VPS18: variants seen among roughly 807,000 people sequenced by gnomAD.
VPS18 encodes the protein vacuolar protein sorting-associated protein 18 homolog.
Under a neutral mutation model 82.0 loss-of-function variants are expected in VPS18, and 25 were observed. The ratio of observed to expected loss-of-function variants is 0.30; its 90% CI spans 0.22 to 0.43. The LOEUF is 0.43. VPS18 is among the 20% of genes least tolerant of loss of function. The probability of loss-of-function intolerance (pLI) is 1.00; values close to 1 mark genes in which losing one functional copy is unlikely to be tolerated. For synonymous variants in VPS18, 523 were observed against 543.0 expected, an observed-to-expected ratio of 0.96 and a Z score of 0.51; for missense variants, 1,168 against 1,311.1, an observed-to-expected ratio of 0.89 and a Z score of 1.69.
Position 40,903,364 on chromosome 15 carries a change from G to A in VPS18, c.*23G>A, listed in dbSNP as rs755299054. On this transcript the variant is annotated 3_prime_UTR_variant, in exon 5 of 5. Transcript: ENST00000220509. ...TAGGAGGGTGTCACCTTTGATGGGG[G>A]GTGGGCAATGGGGAGCAGTGGCTTG... 6.8e-5 allele frequency: 103 copies of A among 1,517,840 alleles called. No homozygotes were observed. Among genetic ancestry groups the A allele is most frequent in the African/African-American group, 1.5e-4 (11 of 71,754 alleles). The allele number at this position is 1,517,840 out of a possible 1,614,324, so 94.0% of individuals were successfully genotyped here.
intron 1 of VPS18, among the ~76,000 whole-genome samples, chr15:40,895,391 C>G (rs527405849): frequency 1.3e-5 from 2 of 152,056 alleles, no homozygotes; most frequent in Non-Finnish European, 2.9e-5. Context: ...TAGTGAGTCT[C>G]CAGGAGAATG....
At chr15:40,898,647 A>G in intron 2 of VPS18, 1 of 491,052 alleles carries the variant, frequency 2.0e-6, no homozygotes, top group South Asian at 2.0e-5. Context: ...ATTTTCTTGT[A>G]TTTTTTGTAG....
At position 40,898,944 on chromosome 15, in the gene VPS18, G is replaced by A; in HGVS notation, c.271G>A (p.Glu91Lys). The stretch of plus-strand genomic sequence containing the variant: ...CAAGGCAAATGAGCCCAACCACGTG[G>A]AGCTGGGACGTAAGGATGACGCAAA... ...LGKANEPNHV[E>K]LGRKDDAKVH... Residue 91 changes from glutamate to lysine, a missense_variant, in exon 3 of 5, where the codon GAG becomes AAG. Glu to Lys is a moderately conservative substitution (Grantham distance 56). Coordinates refer to ENST00000220509, the MANE Select transcript of VPS18 (RefSeq NM_020857.3). 1.2e-6 allele frequency: 2 copies of A among 1,614,138 alleles called. No individual in the cohort carries two copies. Among genetic ancestry groups the A allele is most frequent in the African/African-American group, 1.3e-5 (1 of 75,032 alleles).
Position 40,902,673 on chromosome 15 carries a change from C to T in VPS18, c.2254C>T (p.Arg752Cys), listed in dbSNP as rs1310656695. 6 of 1,614,188 alleles carry T rather than the reference C, an allele frequency of 3.7e-6. No homozygotes were observed. The highest frequency in any genetic ancestry group is 1.1e-5 in the South Asian group (1 of 91,082). ...ADLPEEDEEL[R>C]KKLWLKIARH... is the part of the protein sequence containing the mutation. Reference sequence around the variant, plus strand: ...CCTGCCTGAGGAGGATGAGGAATTGCGCAAGAAGCTGTGGCTGAAGATCGC... The same window carrying T: ...CCTGCCTGAGGAGGATGAGGAATTGTGCAAGAAGCTGTGGCTGAAGATCGC... The change falls in exon 5 of 5, where the codon CGC becomes TGC. Residue 752 changes from arginine to cysteine, a missense_variant. By Grantham distance (180) the Arg-to-Cys change is radical. Transcript: ENST00000220509. This position sits in a 1 kb window ranked among gnomAD's most constrained non-coding sequence, Gnocchi z 4.2.
rs373608134 is a variant in VPS18 at position 40,900,515 on chromosome 15, A to G, written c.1697A>G (p.Tyr566Cys). The change falls in exon 4 of 5, where the codon TAT becomes TGT. Residue 566 changes from tyrosine to cysteine, a missense_variant. Tyr to Cys is a radical substitution (Grantham distance 194). This residue lies in a region of VPS18 where 868 missense variants were observed against 939.8 expected (regional missense o/e 0.92). Coordinates refer to ENST00000220509, the MANE Select transcript of VPS18 (RefSeq NM_020857.3). This position sits in a 1 kb window ranked among gnomAD's most constrained non-coding sequence, Gnocchi z 5.4. ...MVYFAVIMQD[Y>C]ERVVAYHCQH... ...TACTTTGCAGTGATCATGCAGGACT[A>G]TGAGCGGGTGGTGGCTTACCACTGT... is the stretch of plus-strand genomic sequence containing the variant. The G allele has an allele frequency of 9.5e-5, 154 of 1,614,026 alleles. No homozygotes were observed. Among genetic ancestry groups the G allele is most frequent in the Admixed American group, 2.0e-4 (12 of 60,006 alleles).
At chr15:40,894,987 T>C (rs1892204256) in intron 1 of VPS18, 128 bp downstream of exon 1, 2 of 915,036 alleles carry the variant, frequency 2.2e-6, no homozygotes, top group Non-Finnish European at 3.1e-6. Context: ...AGGCCCCTGA[T>C]TCTCCTCAGG....
At chr15:40,895,887 C>T in intron 1 of VPS18, 51 bp from the exon 2 acceptor site, 1 of 1,610,424 alleles carries the variant, frequency 6.2e-7, no homozygotes. Context: ...CTCTCCTTGC[C>T]CTTCACCTGT....
At chr15:40,895,550 A>AG (rs1227263010) in intron 1 of VPS18, among the ~76,000 whole-genome samples, 1 of 152,006 alleles carries the variant, frequency 6.6e-6, no homozygotes, top group Admixed American at 6.6e-5. Context: ...ATGGGCAGGG[A>AG]GGGGGGCAGA....
rs761643388 is a variant in VPS18, at chr15:40,894,900, T to C, written c.91+41T>C. On this transcript the variant is annotated intron_variant, in intron 1 of 4. Transcript: ENST00000220509. ...GTGCCGCTGCCCCTTTCGGCTCTCC[T>C]AGCATTTGCGTGGGAGCAGCGAGGA... The C allele has an allele frequency of 9.8e-6, 15 of 1,526,452 alleles. No homozygotes were observed. The Admixed American group carries it at 3.0e-4, about 31-fold the overall frequency. The allele number at this position is 1,526,452 out of a possible 1,614,324, so 94.6% of individuals were successfully genotyped here. A position where few individuals can be genotyped will look rare whatever the true frequency, so the allele number is the denominator to read the frequency against.
chr15:40,900,488 T>G lies in VPS18; in HGVS notation c.1670T>G (p.Val557Gly), dbSNP rs201884171. 1.2e-6 allele frequency: 2 copies of G among 1,614,060 alleles called. No homozygotes were observed. The highest frequency in any genetic ancestry group is 2.2e-5 in the South Asian group (2 of 91,072). ...LASHGDTEHM[V>G]YFAVIMQDYE... ...AGTCATGGGGACACAGAACACATGG[T>G]GTACTTTGCAGTGATCATGCAGGAC... The change falls in exon 4 of 5, where the codon GTG becomes GGG. Residue 557 changes from valine to glycine, a missense_variant. Physicochemically the swap from Val to Gly is moderately radical, Grantham distance 109 (BLOSUM62 -3). Coordinates refer to ENST00000220509, the MANE Select transcript of VPS18 (RefSeq NM_020857.3). This position sits in a 1 kb window ranked among gnomAD's most constrained non-coding sequence, Gnocchi z 5.4.
Position 40,903,632 on chromosome 15 carries a change from T to A in VPS18, c.*291T>A, listed in dbSNP as rs1892404381. Reference sequence around the variant, plus strand: ...CTGACCCAATTCCACCCCCTGCCTCTAGCACCTCTTCTGTCCCTGTCATTC... The same window carrying A: ...CTGACCCAATTCCACCCCCTGCCTCAAGCACCTCTTCTGTCCCTGTCATTC... On this transcript the variant is annotated 3_prime_UTR_variant, in exon 5 of 5. Transcript: ENST00000220509. The A allele has an allele frequency of 3.2e-6, 1 of 316,088 alleles. No individual in the cohort carries two copies. Among genetic ancestry groups the A allele is most frequent in the Non-Finnish European group, 5.8e-6 (1 of 171,340 alleles). 19.6% of individuals were successfully genotyped at this position (316,088 alleles called of 1,614,324 possible). A position where few individuals can be genotyped will look rare whatever the true frequency, so the allele number is the denominator to read the frequency against.
At chr15:40,901,146 G>T in intron 4 of VPS18, 132 bp downstream of exon 4, 1 of 949,254 alleles carries the variant, frequency 1.1e-6, no homozygotes, top group Non-Finnish European at 1.5e-6. Flanking sequence ...TAAGAGCATG[G>T]ACTGTTAAGT....
chr15:40,898,851 T>C lies in VPS18; in HGVS notation c.234-56T>C, dbSNP rs754245376. ...TTTATCAGATTATTAAAGAAGATCA[T>C]GATCCAAAAAAGGATCTTCCCTTCT... On this transcript the variant is annotated intron_variant, in intron 2 of 4. Coordinates refer to ENST00000220509, the MANE Select transcript of VPS18 (RefSeq NM_020857.3). 1.3e-5 allele frequency: 20 copies of C among 1,513,884 alleles called. No individual in the cohort carries two copies. In the Middle Eastern group the frequency reaches 1.2e-3, roughly 89 times the overall value. 93.8% of individuals were successfully genotyped at this position (1,513,884 alleles called of 1,614,324 possible).
rs1204485001 is a variant in VPS18, at chr15:40,899,313, C to T, written c.495C>T (p.Ala165=). The change falls in exon 4 of 5, where the codon GCC becomes GCT. Residue 165 remains alanine (A), a synonymous_variant. Coordinates refer to ENST00000220509, the MANE Select transcript of VPS18 (RefSeq NM_020857.3). This position sits in a 1 kb window ranked among gnomAD's most constrained non-coding sequence, Gnocchi z 4.4. The stretch of plus-strand genomic sequence containing the variant: ...CAGGCCCCATCCTGGTCGGGACTGC[C>T]CAAGGCCACATCTTTGAAGCAGAGC... ...SSTGPILVGT[A]QGHIFEAELS... is the part of the protein sequence containing the mutation. 1 of 1,614,164 alleles carries T rather than the reference C, an allele frequency of 6.2e-7. No homozygotes were observed. The highest frequency in any genetic ancestry group is 1.3e-5 in the African/African-American group (1 of 75,054).
At position 40,900,803 on chromosome 15, in the gene VPS18, C is replaced by A. The variant is rs556025136; in HGVS notation, c.1985C>A (p.Ala662Asp). ...CVNVLGETEQAIHNYLLSLYA... is the reference protein window; with the variant it reads ...CVNVLGETEQDIHNYLLSLYA... ...AACGTGCTGGGGGAGACTGAGCAGG[C>A]CATCCACAACTACCTGCTGTCACTG... The change falls in exon 4 of 5, where the codon GCC (alanine) becomes GAC (aspartate). Residue 662 changes from alanine to aspartate, a missense_variant. Transcript: ENST00000220509. This position sits in a 1 kb window ranked among gnomAD's most constrained non-coding sequence, Gnocchi z 5.4. 1.2e-6 allele frequency: 2 copies of A among 1,614,214 alleles called. No individual in the cohort carries two copies. The highest frequency in any genetic ancestry group is 4.5e-5 in the East Asian group (2 of 44,876).
rs991384440 is a variant in VPS18 at position 40,899,251 on chromosome 15, G to C, written c.433G>C (p.Val145Leu). The C allele has an allele frequency of 6.2e-7, 1 of 1,614,124 alleles. No individual in the cohort carries two copies. The highest frequency in any genetic ancestry group is 8.5e-7 in the Non-Finnish European group (1 of 1,180,062). Reference sequence around the variant, plus strand: ...CTGGAAGGGGCAGCTGGTGGAGAGTGTGGGTTGGAACAAGGCACTGGGCAC... The same window carrying C: ...CTGGAAGGGGCAGCTGGTGGAGAGTCTGGGTTGGAACAAGGCACTGGGCAC... ...ARWKGQLVES[V>L]GWNKALGTES... The change falls in exon 4 of 5, where the codon GTG becomes CTG. Residue 145 changes from valine to leucine, a missense_variant. By Grantham distance (32) the Val-to-Leu change is conservative. Transcript: ENST00000220509. The surrounding 1 kb of genome is among the most constrained non-coding windows in gnomAD (Gnocchi z 4.4).
Position 40,900,591 on chromosome 15 carries a change from C to A in VPS18, c.1773C>A (p.Asp591Glu). The change falls in exon 4 of 5, where the codon GAC becomes GAA. Residue 591 changes from aspartate (D) to glutamate (E), a missense_variant. By Grantham distance (45) the Asp-to-Glu change is conservative (BLOSUM62 2). Around this residue, in one of 3 missense-constraint regions of VPS18, gnomAD observed 868 missense variants for 939.8 expected, o/e 0.92. Coordinates refer to ENST00000220509, the MANE Select transcript of VPS18 (RefSeq NM_020857.3). The surrounding 1 kb of genome is among the most constrained non-coding windows in gnomAD (Gnocchi z 5.4). ...TGGCCGTGCTCGCCCGCCACCGTGA[C>A]CCCCAGCTCTTCTACAAGTTCTCAC... ...EALAVLARHR[D>E]PQLFYKFSPI... The A allele has an allele frequency of 6.2e-7, 1 of 1,613,978 alleles. No individual in the cohort carries two copies. The highest frequency in any genetic ancestry group is 8.5e-7 in the Non-Finnish European group (1 of 1,180,036).
rs557809560 is a variant in VPS18 at position 40,898,253 on chromosome 15, C to CT, written c.234-640dup. Reference sequence around the variant, plus strand: ...ACAGGCGTGAGCCACCGCGCCCGGCCTTTTTTTTTTTTTTCCCCCCTTTTT... The same window carrying CT: ...ACAGGCGTGAGCCACCGCGCCCGGCCTTTTTTTTTTTTTTTCCCCCCTTTTT... On this transcript the variant is annotated intron_variant, in intron 2 of 4. Coordinates refer to ENST00000220509, the MANE Select transcript of VPS18 (RefSeq NM_020857.3). Among the ~76,000 whole-genome samples, 674 of 142,796 alleles carry CT rather than the reference C, an allele frequency of 4.7e-3. 6 individuals carry two copies. Among genetic ancestry groups the CT allele is most frequent in the South Asian group, 0.023 (103 of 4,532 alleles). The allele number at this position is 142,796 out of a possible 152,430, so 93.7% of individuals were successfully genotyped here.
Position 40,900,648 on chromosome 15 carries a change from T to C in VPS18, c.1830T>C (p.Leu610=), listed in dbSNP as rs1450197808. The C allele has an allele frequency of 3.7e-6, 6 of 1,613,922 alleles. No individual in the cohort carries two copies. The Admixed American group carries it at 1.0e-4, about 27-fold the overall frequency. Residue 610 remains leucine (L), a synonymous_variant, in exon 4 of 5, where the codon CTT becomes CTC. Coordinates refer to ENST00000220509, the MANE Select transcript of VPS18 (RefSeq NM_020857.3). This position sits in a 1 kb window ranked among gnomAD's most constrained non-coding sequence, Gnocchi z 5.4. ...PILIRHIPRQ[L]VDAWIEMGSR... is the part of the protein sequence containing the mutation. ...TCATCCGTCACATCCCCCGCCAGCTTGTAGATGCCTGGATTGAGATGGGCA... is the reference window on the plus strand; with the variant it reads ...TCATCCGTCACATCCCCCGCCAGCTCGTAGATGCCTGGATTGAGATGGGCA...
Sources: gnomAD v4.1 joint callset for allele counts (sites outside exome capture counted in the v4.1 genomes callset) on GRCh38, gnomAD v4.1.1 for gene constraint, gnomAD v4.1.1 regional missense constraint, Gnocchi (gnomAD v3.1) non-coding constraint, MANE v1.5 for transcripts, NCBI Gene and HGNC (gene_info 2026-07-23, HGNC 2026-07-21) for gene names.